KALRN: variants seen among roughly 807,000 people sequenced by gnomAD.
KALRN encodes the protein kalirin RhoGEF kinase.
In KALRN, 70 loss-of-function variants were observed where a neutral mutation model predicts 353.7. That is an observed-to-expected ratio of 0.20 (90% CI 0.16 to 0.24). KALRN has a LOEUF of 0.24. Among genes scored for constraint, KALRN ranks in the 10% least tolerant of loss-of-function variants. The pLI, the probability that KALRN is intolerant of heterozygous loss-of-function variation, is 1.00. For synonymous variants in KALRN, 1,391 were observed against 1,434.8 expected (o/e 0.97, Z 0.69); for missense variants, 2,791 against 3,756.7 (o/e 0.74, Z 6.72).
rs111543171 is a variant in KALRN, at chr3:124,422,796, A to AT, written c.2543-9dup. On this transcript the variant is annotated splice_polypyrimidine_tract_variant and intron_variant, in intron 14 of 59. Coordinates refer to ENST00000682506, the MANE Select transcript of KALRN (RefSeq NM_001388419.1). ...TACTAGCTGGTTTTTAATTGTTTCC[A>AT]TTTTTTTAAAATCAGGAATTGAGTT... is the stretch of plus-strand genomic sequence containing the variant. 9.4e-3 allele frequency: 15,196 copies of AT among 1,610,814 alleles called. 95 individuals are homozygous for AT. Among genetic ancestry groups the AT allele is most frequent in the Non-Finnish European group, 0.011 (13,456 of 1,177,620 alleles).
chr3:124,225,488 G>C (rs2078376979), intron 1 of KALRN, among the ~76,000 whole-genome samples: 1 of 152,182 alleles, frequency 6.6e-6, no homozygotes. Context: ...GGAGGACCCT[G>C]GCCTGGGAAG....
At chr3:124,564,295 A>C (rs1347411494) in intron 34 of KALRN, among the ~76,000 whole-genome samples, 2 of 151,334 alleles carry the variant, frequency 1.3e-5, no homozygotes, top group African/African-American at 4.9e-5. Flanking sequence ...AGGCAGGAGG[A>C]TCACTTGAGC....
intron 33 of KALRN, among the ~76,000 whole-genome samples, chr3:124,525,607 G>A (rs1275237978): frequency 6.6e-6 from 1 of 152,184 alleles, no homozygotes; most frequent in Admixed American, 6.5e-5. Flanking sequence ...ACGAGGACTT[G>A]CCTGGGATCT....
At chr3:124,575,183 T>C (rs944077925) in intron 34 of KALRN, among the ~76,000 whole-genome samples, 2 of 152,228 alleles carry the variant, frequency 1.3e-5, no homozygotes, top group Admixed American at 6.5e-5. Context: ...TTTCTCCCCG[T>C]ATCCACTAAC....
intron 34 of KALRN, among the ~76,000 whole-genome samples, chr3:124,563,404 C>T (rs2072311978): frequency 6.6e-6 from 1 of 152,160 alleles, no homozygotes; most frequent in South Asian, 2.1e-4. Flanking sequence ...CGGGAAAGTC[C>T]TCTTCTACCT....
Position 124,661,715 on chromosome 3 carries a change from C to T in KALRN, c.6268-136C>T. On this transcript the variant is annotated intron_variant, in intron 44 of 59. Coordinates refer to ENST00000682506, the MANE Select transcript of KALRN (RefSeq NM_001388419.1). The stretch of plus-strand genomic sequence containing the variant: ...AAGCCCCACACTCTCTGAGAGTGGA[C>T]AGCCAGAACCAGCATCCCTTCCTAG... The T allele has an allele frequency of 4.2e-6, 3 of 719,398 alleles. No individual in the cohort carries two copies. In the South Asian group the frequency reaches 4.8e-5, roughly 12 times the overall value. 44.6% of individuals were successfully genotyped at this position (719,398 alleles called of 1,614,324 possible). A position where few individuals can be genotyped will look rare whatever the true frequency, so the allele number is the denominator to read the frequency against.
intron 1 of KALRN, among the ~76,000 whole-genome samples, chr3:124,140,123 G>A (rs1014731922): frequency 4.6e-5 from 7 of 152,172 alleles, no homozygotes; most frequent in African/African-American, 1.2e-4. Flanking sequence ...TTGCCAGTCC[G>A]GTCAATCGTT....
chr3:124,518,736 G>T, intron 33 of KALRN: 1 of 1,385,942 alleles, frequency 7.2e-7, no homozygotes, highest in African/African-American at 1.4e-5. Context: ...GTAGGGACCT[G>T]TGAGAGGCCC....
chr3:124,342,451 G>A (rs918699998), intron 9 of KALRN, among the ~76,000 whole-genome samples: 9 of 152,068 alleles, frequency 5.9e-5, no homozygotes, highest in African/African-American at 2.2e-4. Context: ...CAAGATCATG[G>A]CCTCCAGTTC....
intron 53 of KALRN, 91 bp from the exon 54 acceptor site, chr3:124,696,043 C>G: frequency 7.1e-7 from 1 of 1,399,208 alleles, no homozygotes; most frequent in Non-Finnish European, 1.0e-6. Flanking sequence ...ACTCTCAGCT[C>G]AGCACACCAT....
chr3:124,481,538 A>G (rs572196212), intron 27 of KALRN, among the ~76,000 whole-genome samples: 91 of 152,284 alleles, frequency 6.0e-4, no homozygotes, highest in Admixed American at 2.7e-3. Context: ...GTGATGCTTT[A>G]CCATTGAAAA....
intron 37 of KALRN, among the ~76,000 whole-genome samples, chr3:124,637,706 G>T (rs2081521287): frequency 6.6e-6 from 1 of 152,190 alleles, no homozygotes; most frequent in African/African-American, 2.4e-5. Flanking sequence ...ATTTTATGGG[G>T]ACTTGGGTAG....
intron 1 of KALRN, among the ~76,000 whole-genome samples, chr3:124,158,380 G>A (rs1483064136): frequency 1.3e-5 from 2 of 152,184 alleles, no homozygotes; most frequent in Non-Finnish European, 2.9e-5. Context: ...AGTGATGCCT[G>A]AGCTGAGCGT....
rs369528078 is a variant in KALRN, at chr3:124,697,613, C to T, written c.7720C>T (p.Arg2574Cys). Residue 2574 changes from arginine (R) to cysteine (C), a missense_variant, in exon 55 of 60, where the codon CGC becomes TGC. Coordinates refer to ENST00000682506, the MANE Select transcript of KALRN (RefSeq NM_001388419.1). ...KVQGVPAAPN[R>C]PIAQERSCTS... Reference sequence around the variant, plus strand: ...CATAGGTGTTCCAGCAGCCCCTAACCGCCCCATTGCCCAGGAGAGAAGCTG... The same window carrying T: ...CATAGGTGTTCCAGCAGCCCCTAACTGCCCCATTGCCCAGGAGAGAAGCTG... 46 of 1,609,302 alleles carry T rather than the reference C, an allele frequency of 2.9e-5. No homozygotes were observed. Among genetic ancestry groups the T allele is most frequent in the Admixed American group, 1.7e-4 (10 of 58,764 alleles).
At chr3:124,131,914 G>T (rs1185226474) in intron 1 of KALRN, among the ~76,000 whole-genome samples, 1 of 152,054 alleles carries the variant, frequency 6.6e-6, no homozygotes, top group Non-Finnish European at 1.5e-5. Context: ...TGTAAAATGG[G>T]GGAAATGATG....
chr3:124,715,772 C>A (rs1177907455), intron 58 of KALRN, among the ~76,000 whole-genome samples: 1 of 152,164 alleles, frequency 6.6e-6, no homozygotes, highest in Non-Finnish European at 1.5e-5. Context: ...GGGCATGTGC[C>A]TTTAACAACT....
intron 9 of KALRN, among the ~76,000 whole-genome samples, chr3:124,342,432 T>G (rs1560617385): frequency 6.6e-6 from 1 of 152,236 alleles, no homozygotes; most frequent in East Asian, 1.9e-4. Context: ...GTACTTGACT[T>G]GTTTTACTCA....
intron 34 of KALRN, among the ~76,000 whole-genome samples, chr3:124,578,219 AGAC>A (rs2074301830): frequency 1.3e-5 from 2 of 152,370 alleles, no homozygotes; most frequent in South Asian, 4.1e-4. Context: ...AAATATTCCA[AGAC>A]CAATTATTTG....
intron 5 of KALRN, among the ~76,000 whole-genome samples, chr3:124,287,385 A>G (rs185462245): frequency 3.8e-4 from 58 of 152,020 alleles, no homozygotes; most frequent in East Asian, 1.9e-4. Context: ...CTCCACTGTA[A>G]TATCCTGTCA....
Sources: allele counts gnomAD v4.1 joint callset (sites outside exome capture counted in the v4.1 genomes callset), GRCh38; gene constraint gnomAD v4.1.1; transcripts MANE v1.5; gene names NCBI Gene and HGNC (gene_info 2026-07-23, HGNC 2026-07-21).